ADAMTSL1: variants seen among roughly 807,000 people sequenced by gnomAD.
ADAMTSL1 encodes the protein ADAMTS-like protein 1.
ADAMTSL1 carries 126 observed loss-of-function variants against 201.8 expected under a neutral mutation model. The observed-to-expected ratio is 0.62, with a 90% CI of 0.54 to 0.72. The LOEUF is 0.72. Ranked by LOEUF, ADAMTSL1 falls within the 30% of genes least tolerant of loss-of-function variation. The probability of loss-of-function intolerance (pLI) is 0.00; values close to 1 mark genes in which losing one functional copy is unlikely to be tolerated. For missense variants in ADAMTSL1, 2,679 were observed against 2,277.8 expected (o/e 1.18, Z -3.59); for synonymous variants, 1,121 against 903.4 (o/e 1.24, Z -4.32).
intron 2 of ADAMTSL1, among the ~76,000 whole-genome samples, chr9:18,212,366 A>G (rs1480608631): frequency 6.6e-6 from 1 of 152,200 alleles, no homozygotes; most frequent in Non-Finnish European, 1.5e-5. Flanking sequence ...GTGTGTCCAT[A>G]ATTTTAAACA....
intron 19 of ADAMTSL1, among the ~76,000 whole-genome samples, chr9:18,781,070 A>T (rs1010246465): frequency 6.6e-6 from 1 of 152,060 alleles, no homozygotes; most frequent in African/African-American, 2.4e-5. Context: ...GGCCCTTTTA[A>T]TTTTTACCTT....
At chr9:17,937,150 C>A (rs770838063) in intron 1 of ADAMTSL1, among the ~76,000 whole-genome samples, 5 of 152,118 alleles carry the variant, frequency 3.3e-5, no homozygotes, top group Non-Finnish European at 7.4e-5. Context: ...ACATTAGAAA[C>A]AATAAGCTGT....
At chr9:18,054,905 G>T (rs1199770725) in intron 1 of ADAMTSL1, among the ~76,000 whole-genome samples, 1 of 152,176 alleles carries the variant, frequency 6.6e-6, no homozygotes, top group Non-Finnish European at 1.5e-5. Flanking sequence ...TGTAGAAGTA[G>T]TACTGAACTG....
intron 7 of ADAMTSL1, among the ~76,000 whole-genome samples, chr9:18,648,297 G>A (rs1827952291): frequency 6.8e-6 from 1 of 146,478 alleles, no homozygotes; most frequent in South Asian, 2.2e-4. Flanking sequence ...ATGTGAGATG[G>A]GTTTCCTGAA....
chr9:18,898,798 C>G (rs1249494098), intron 26 of ADAMTSL1, among the ~76,000 whole-genome samples: 1 of 152,126 alleles, frequency 6.6e-6, no homozygotes, highest in Non-Finnish European at 1.5e-5. Flanking sequence ...AAGGAACACA[C>G]CTCAAAATAA....
intron 2 of ADAMTSL1, among the ~76,000 whole-genome samples, chr9:18,338,517 G>T (rs1407987235): frequency 6.6e-6 from 1 of 151,930 alleles, no homozygotes; most frequent in African/African-American, 2.4e-5. Context: ...CATAATCATT[G>T]CTCACTGCAG....
intron 2 of ADAMTSL1, among the ~76,000 whole-genome samples, chr9:18,438,015 G>A (rs1819817389): frequency 6.6e-6 from 1 of 152,146 alleles, no homozygotes; most frequent in African/African-American, 2.4e-5. Flanking sequence ...GGAAGGAGAG[G>A]ATCAAGGTCA....
intron 2 of ADAMTSL1, among the ~76,000 whole-genome samples, chr9:18,237,166 A>G (rs1184249708): frequency 2.6e-5 from 4 of 152,200 alleles, no homozygotes; most frequent in African/African-American, 9.6e-5. Flanking sequence ...CCAAGAGATC[A>G]TGTGTCAGAA....
chr9:18,631,655 C>G (rs1167815895), intron 5 of ADAMTSL1, among the ~76,000 whole-genome samples: 2 of 152,138 alleles, frequency 1.3e-5, no homozygotes, highest in Non-Finnish European at 1.5e-5. Context: ...TCTGACACAG[C>G]TGTGAATCAC....
Position 18,706,960 on chromosome 9 carries a change from T to A in ADAMTSL1, c.1788T>A (p.Asp596Glu), listed in dbSNP as rs368872708. The A allele has an allele frequency of 2.5e-6, 4 of 1,613,974 alleles. No homozygotes were observed. Among genetic ancestry groups the A allele is most frequent in the African/African-American group, 2.7e-5 (2 of 75,054 alleles). ...EIPEFNPDET[D>E]GLFGGLQDFD... The stretch of plus-strand genomic sequence containing the variant: ...CTGAGTTCAACCCAGACGAGACAGA[T>A]GGGCTCTTTGGTGGCCTGCAGGATT... The change falls in exon 14 of 29, where the codon GAT (aspartate) becomes GAA (glutamate). Residue 596 changes from aspartate to glutamate, a missense_variant. Physicochemically the swap from Asp to Glu is conservative, Grantham distance 45. Transcript: ENST00000380548.
At chr9:18,271,525 A>T (rs1044587928) in intron 2 of ADAMTSL1, among the ~76,000 whole-genome samples, 2 of 152,154 alleles carry the variant, frequency 1.3e-5, no homozygotes, top group African/African-American at 4.8e-5. Context: ...TTATGGCTGC[A>T]TAGTATTCCA....
intron 14 of ADAMTSL1, among the ~76,000 whole-genome samples, chr9:18,716,258 G>C (rs1479122561): frequency 2.0e-5 from 3 of 152,040 alleles, no homozygotes; most frequent in Non-Finnish European, 4.4e-5. Context: ...AAACTAAAGA[G>C]CTTCTGCACA....
At chr9:18,591,529 A>G in intron 4 of ADAMTSL1, among the ~76,000 whole-genome samples, 1 of 152,116 alleles carries the variant, frequency 6.6e-6, no homozygotes, top group East Asian at 1.9e-4. Flanking sequence ...GTTATTATCG[A>G]TAAGTAAGGA....
intron 13 of ADAMTSL1, among the ~76,000 whole-genome samples, chr9:18,704,712 G>A (rs755418276): frequency 6.6e-6 from 1 of 152,176 alleles, no homozygotes; most frequent in Non-Finnish European, 1.5e-5. Flanking sequence ...TTCCTAAAAA[G>A]CTCCTGCAGG....
At chr9:18,031,696 G>T (rs1054698727) in intron 1 of ADAMTSL1, among the ~76,000 whole-genome samples, 1 of 152,148 alleles carries the variant, frequency 6.6e-6, no homozygotes, top group Non-Finnish European at 1.5e-5. Context: ...CCAATCGTTG[G>T]CATTGTTCCT....
At chr9:18,723,025 A>T in intron 15 of ADAMTSL1, 1 of 779,862 alleles carries the variant, frequency 1.3e-6, no homozygotes, top group East Asian at 2.4e-5. Flanking sequence ...AAGAAGCAGT[A>T]TCGACTCAGC....
chr9:18,681,869 CGAG>C lies in ADAMTSL1; in HGVS notation c.1402_1404del (p.Gly468del), dbSNP rs1830521356. 1.2e-6 allele frequency: 2 copies of C among 1,613,792 alleles called. No homozygotes were observed. Among genetic ancestry groups the C allele is most frequent in the African/African-American group, 2.7e-5 (2 of 74,888 alleles). On this transcript the variant is annotated inframe_deletion, in exon 12 of 29. Coordinates refer to ENST00000380548, the MANE Select transcript of ADAMTSL1 (RefSeq NM_001040272.6). ...CCGTGTGGTCCTCTGCATCGACCAT[CGAG>C]GAATGCACACAGGAGGCTGTAGCCC...
At chr9:18,100,146 TTCTG>T (rs1377679211) in intron 1 of ADAMTSL1, among the ~76,000 whole-genome samples, 1 of 152,192 alleles carries the variant, frequency 6.6e-6, no homozygotes, top group Non-Finnish European at 1.5e-5. Context: ...TTTCAAACTG[TTCTG>T]TGGACATGTC....
chr9:18,702,026 G>A (rs979548131), intron 13 of ADAMTSL1, among the ~76,000 whole-genome samples: 5 of 152,194 alleles, frequency 3.3e-5, no homozygotes, highest in Non-Finnish European at 5.9e-5. Flanking sequence ...GGAAGGCAAG[G>A]AGGAGCAAGT....
Sources: allele counts gnomAD v4.1 joint callset (sites outside exome capture counted in the v4.1 genomes callset), GRCh38; gene constraint gnomAD v4.1.1; transcripts MANE v1.5; gene names NCBI Gene and HGNC (gene_info 2026-07-23, HGNC 2026-07-21).